The following SAMD12 variants were observed in gnomAD, a reference collection of about 807,000 sequenced individuals.
The protein encoded by SAMD12 is sterile alpha motif domain containing 12, also known as sterile alpha motif domain-containing protein 12.
A neutral mutation model predicts 15.0 loss-of-function variants in SAMD12; 9 were observed. That is an observed-to-expected ratio of 0.60 (90% CI 0.36 to 1.05). SAMD12 has a LOEUF of 1.05. Ranked by LOEUF, SAMD12 falls within the 50% of genes least tolerant of loss-of-function variation. SAMD12 has a pLI of 0.01. For synonymous variants in SAMD12, 86 were observed against 90.1 expected (o/e 0.96, Z 0.25); for missense variants, 230 against 234.2 (o/e 0.98, Z 0.12).
intron 4 of SAMD12, among the ~76,000 whole-genome samples, chr8:118,258,116 C>T (rs1171418709): frequency 6.6e-6 from 1 of 152,100 alleles, no homozygotes; most frequent in Non-Finnish European, 1.5e-5. Flanking sequence ...AAGGCACAAG[C>T]ATTTGCAATG....
chr8:118,433,916 A>G (rs147356470), intron 3 of SAMD12, among the ~76,000 whole-genome samples: 1 of 152,360 alleles, frequency 6.6e-6, no homozygotes, highest in African/African-American at 2.4e-5. Flanking sequence ...TCGTAAGTAC[A>G]TCACATAAAG....
chr8:118,154,265 CT>C, the SAMD12 span, among the ~76,000 whole-genome samples: 1 of 152,296 alleles, frequency 6.6e-6, no homozygotes, highest in African/African-American at 2.4e-5. Flanking sequence ...TTCACCCCAT[CT>C]GTCCTCTCAT....
chr8:118,167,351 A>G, the SAMD12 span, among the ~76,000 whole-genome samples: 1 of 152,112 alleles, frequency 6.6e-6, no homozygotes, highest in Non-Finnish European at 1.5e-5. Context: ...AGCAAGAGGA[A>G]TGCAGCCCGT....
intron 4 of SAMD12, among the ~76,000 whole-genome samples, chr8:118,250,950 A>G (rs1283125362): frequency 6.6e-6 from 1 of 152,122 alleles, no homozygotes; most frequent in Non-Finnish European, 1.5e-5. Flanking sequence ...ACCTTGTCCT[A>G]TAGTGTTCTA....
At chr8:118,269,026 T>C (rs1263621619) in intron 4 of SAMD12, among the ~76,000 whole-genome samples, 2 of 152,172 alleles carry the variant, frequency 1.3e-5, no homozygotes, top group Non-Finnish European at 2.9e-5. Context: ...TGTGGGGATC[T>C]GATTGTTTCT....
chr8:118,407,737 T>C (rs1206379262), intron 3 of SAMD12, among the ~76,000 whole-genome samples: 1 of 152,168 alleles, frequency 6.6e-6, no homozygotes, highest in Non-Finnish European at 1.5e-5. Flanking sequence ...CAACCCATTA[T>C]CATAAAAGAC....
the SAMD12 span, among the ~76,000 whole-genome samples, chr8:118,136,539 T>C: frequency 6.6e-6 from 1 of 152,226 alleles, no homozygotes; most frequent in Non-Finnish European, 1.5e-5. Flanking sequence ...GGCTATAGTT[T>C]TGTCATCCTT....
At chr8:118,264,453 G>A (rs1813153485) in intron 4 of SAMD12, among the ~76,000 whole-genome samples, 3 of 152,156 alleles carry the variant, frequency 2.0e-5, no homozygotes, top group African/African-American at 7.2e-5. Flanking sequence ...CATTCTGCAA[G>A]CCCTGGTAAC....
chr8:118,604,160 C>T (rs1287194322), intron 1 of SAMD12, among the ~76,000 whole-genome samples: 2 of 152,140 alleles, frequency 1.3e-5, no homozygotes, highest in Non-Finnish European at 2.9e-5. Flanking sequence ...AAGTTACCTA[C>T]CCAGAGCCTG....
chr8:118,420,164 G>T (rs1232299676), intron 3 of SAMD12, among the ~76,000 whole-genome samples: 1 of 152,160 alleles, frequency 6.6e-6, no homozygotes, highest in Non-Finnish European at 1.5e-5. Context: ...GAAAAGTGAA[G>T]AAATCTGATA....
chr8:118,456,651 C>G (rs759717032), intron 2 of SAMD12, among the ~76,000 whole-genome samples: 4 of 152,178 alleles, frequency 2.6e-5, no homozygotes, highest in Non-Finnish European at 4.4e-5. Context: ...ACTTAAAAAG[C>G]CCAGGAGTGG....
At chr8:118,178,558 T>C in the SAMD12 span, among the ~76,000 whole-genome samples, 2 of 152,050 alleles carry the variant, frequency 1.3e-5, no homozygotes, top group East Asian at 3.9e-4. Context: ...CTCCACCCCC[T>C]GGGTTCAAGT....
chr8:118,291,512 G>A (rs146668828), intron 4 of SAMD12, among the ~76,000 whole-genome samples: 61 of 152,172 alleles, frequency 4.0e-4, no homozygotes, highest in African/African-American at 1.4e-3. Flanking sequence ...TCCCCTTATG[G>A]TCTAATTATT....
At chr8:118,461,546 C>T (rs1422839548) in intron 2 of SAMD12, among the ~76,000 whole-genome samples, 1 of 115,756 alleles carries the variant, frequency 8.6e-6, no homozygotes, top group African/African-American at 2.5e-5. Context: ...GACATTTAGG[C>T]ACATTTTCTT....
Position 118,260,906 on chromosome 8 carries a change from T to C in SAMD12, c.434-63174A>G, listed in dbSNP as rs988025342. ...TGTGACTTCATCTAAATCCAGTCTA[T>C]ACATTTGCAATCAGCCCCTTTCTGA... On this transcript the variant is annotated intron_variant, in intron 4 of 4. Coordinates refer to the SAMD12 transcript ENST00000409003. Among the ~76,000 whole-genome samples, 3 of 152,240 alleles carry C rather than the reference T, an allele frequency of 2.0e-5. No individual in the cohort carries two copies. In the South Asian group the frequency reaches 6.2e-4, roughly 32 times the overall value.
intron 2 of SAMD12, among the ~76,000 whole-genome samples, chr8:118,571,027 G>A (rs866761359): frequency 2.0e-5 from 3 of 152,270 alleles, no homozygotes; most frequent in Non-Finnish European, 1.5e-5. Flanking sequence ...GTCCCATTAA[G>A]CCTCTTTCTT....
At chr8:118,551,215 G>C (rs1826322745) in intron 2 of SAMD12, among the ~76,000 whole-genome samples, 2 of 152,082 alleles carry the variant, frequency 1.3e-5, no homozygotes, top group South Asian at 4.1e-4. Flanking sequence ...CAAATCAAGA[G>C]AATATACATT....
chr8:118,547,300 G>A (rs528028082), intron 2 of SAMD12, among the ~76,000 whole-genome samples: 26 of 152,118 alleles, frequency 1.7e-4, no homozygotes, highest in Admixed American at 1.2e-3. Flanking sequence ...AATGTCCATC[G>A]CCAATTTGTT....
intron 1 of SAMD12, 53 bp downstream of exon 1, chr8:118,621,751 C>T: frequency 6.2e-7 from 1 of 1,606,284 alleles, no homozygotes; most frequent in Non-Finnish European, 8.5e-7. Flanking sequence ...GGATGTGTGC[C>T]TTGGGGTGCG....
Sources: allele counts gnomAD v4.1 joint callset (sites outside exome capture counted in the v4.1 genomes callset), GRCh38; gene constraint gnomAD v4.1.1; transcripts MANE v1.5; gene names NCBI Gene and HGNC (gene_info 2026-07-23, HGNC 2026-07-21).